C16orf78: variants seen among roughly 807,000 people sequenced by gnomAD.
The protein encoded by C16orf78 is uncharacterized protein C16orf78.
A neutral mutation model predicts 27.3 loss-of-function variants in C16orf78; 19 were observed. That is an observed-to-expected ratio of 0.70 (90% CI 0.49 to 1.02). The LOEUF (loss-of-function observed/expected upper bound fraction) is 1.02. C16orf78 is among the 50% of genes least tolerant of loss of function. The pLI is 0.00. For synonymous variants in C16orf78, 130 were observed against 116.1 expected (o/e 1.12, Z -0.77); for missense variants, 339 against 337.0 (o/e 1.01, Z -0.05).
chr16:49,383,108 G>GT (rs1419654379), intron 3 of C16orf78, among the ~76,000 whole-genome samples: 1 of 152,214 alleles, frequency 6.6e-6, no homozygotes, highest in East Asian at 1.9e-4. Flanking sequence ...CTCTCCTGAT[G>GT]TAATAAGACC....
intron 3 of C16orf78, among the ~76,000 whole-genome samples, chr16:49,383,160 GT>G (rs1166378879): frequency 6.6e-6 from 1 of 152,232 alleles, no homozygotes; most frequent in Non-Finnish European, 1.5e-5. Flanking sequence ...GCCAGCCCAA[GT>G]GCAAAAGGTG....
At chr16:49,392,368 A>G (rs915536260) in intron 3 of C16orf78, among the ~76,000 whole-genome samples, 5 of 152,210 alleles carry the variant, frequency 3.3e-5, no homozygotes, top group Non-Finnish European at 7.3e-5. Context: ...AAAATTCTCT[A>G]GGAGAGACTA....
At chr16:49,378,287 A>G (rs1965245073) in intron 2 of C16orf78, among the ~76,000 whole-genome samples, 183 bp from the exon 3 acceptor site, 1 of 152,134 alleles carries the variant, frequency 6.6e-6, no homozygotes, top group Non-Finnish European at 1.5e-5. Flanking sequence ...GGCGTTGGTG[A>G]GCAAGCACCC....
intron 3 of C16orf78, among the ~76,000 whole-genome samples, chr16:49,380,143 C>A (rs960508444): frequency 1.3e-5 from 2 of 152,152 alleles, no homozygotes; most frequent in African/African-American, 4.8e-5. Flanking sequence ...GGGCTTTTGG[C>A]CACAGACTGA....
intron 1 of C16orf78, among the ~76,000 whole-genome samples, chr16:49,376,891 A>C (rs1405139877): frequency 6.6e-6 from 1 of 152,098 alleles, no homozygotes; most frequent in East Asian, 1.9e-4. Context: ...TGACCTGGAC[A>C]CTGCAGTCCA....
At chr16:49,394,779 T>A (rs1043838578) in intron 3 of C16orf78, among the ~76,000 whole-genome samples, 5 of 152,036 alleles carry the variant, frequency 3.3e-5, no homozygotes, top group Non-Finnish European at 7.4e-5. Flanking sequence ...TGATTGTATA[T>A]CTGCAAAACT....
chr16:49,375,211 C>A (rs1033319055), intron 1 of C16orf78, among the ~76,000 whole-genome samples: 1 of 152,142 alleles, frequency 6.6e-6, no homozygotes, highest in Non-Finnish European at 1.5e-5. Flanking sequence ...GACTCCTCTG[C>A]TTTATCCAGG....
chr16:49,397,840 A>G (rs1425762451), intron 4 of C16orf78, among the ~76,000 whole-genome samples: 1 of 152,160 alleles, frequency 6.6e-6, no homozygotes, highest in Non-Finnish European at 1.5e-5. Flanking sequence ...ATCTCGGCTC[A>G]CTGCAACCTC....
At chr16:49,393,203 C>G (rs72776783) in intron 3 of C16orf78, among the ~76,000 whole-genome samples, 13,057 of 152,232 alleles carry the variant, frequency 0.086, 798 homozygotes, top group South Asian at 0.16. Context: ...ACATCTCCCT[C>G]CCATTCTCCC....
At chr16:49,389,104 C>T (rs1304344779) in intron 3 of C16orf78, among the ~76,000 whole-genome samples, 1 of 152,076 alleles carries the variant, frequency 6.6e-6, no homozygotes, top group Non-Finnish European at 1.5e-5. Context: ...TCCATTTCAT[C>T]TCCTTCATTA....
chr16:49,384,217 G>A (rs1376470720), intron 3 of C16orf78, among the ~76,000 whole-genome samples: 2 of 151,874 alleles, frequency 1.3e-5, no homozygotes, highest in Non-Finnish European at 2.9e-5. Flanking sequence ...TTGTGGTGGT[G>A]CGTGCCTGTA....
chr16:49,390,432 A>G (rs1310705629), intron 3 of C16orf78, among the ~76,000 whole-genome samples: 3 of 151,938 alleles, frequency 2.0e-5, no homozygotes, highest in South Asian at 4.2e-4. Flanking sequence ...TTTGTGTTTC[A>G]TCTCATATAG....
At position 49,373,981 on chromosome 16, in the gene C16orf78, A is replaced by G. The variant is rs751686219; in HGVS notation, c.42A>G (p.Thr14=). 1.2e-6 allele frequency: 2 copies of G among 1,614,210 alleles called. No homozygotes were observed. The highest frequency in any genetic ancestry group is 1.7e-6 in the Non-Finnish European group (2 of 1,180,034). The change falls in exon 1 of 5, where the codon ACA becomes ACG. Residue 14 remains threonine, a synonymous_variant. Transcript: ENST00000299191. ...QQMDLKDLMP[T]KRKYMWKTAE... is the part of the protein sequence containing the mutation. ...TGGACCTGAAGGATTTAATGCCCAC[A>G]AAGAGGAAATACATGTGGAAGACTG...
intron 3 of C16orf78, among the ~76,000 whole-genome samples, chr16:49,381,619 T>G (rs971405717): frequency 4.0e-5 from 6 of 151,748 alleles, no homozygotes; most frequent in African/African-American, 1.5e-4. Flanking sequence ...GAACAGACAC[T>G]TCTCAAAAGA....
chr16:49,391,869 T>C (rs902969977), intron 3 of C16orf78, among the ~76,000 whole-genome samples: 1 of 152,230 alleles, frequency 6.6e-6, no homozygotes, highest in East Asian at 1.9e-4. Flanking sequence ...GTGCAGCTCA[T>C]GATCCTCCCA....
chr16:49,380,029 C>A (rs1339334378), intron 3 of C16orf78, among the ~76,000 whole-genome samples: 1 of 152,200 alleles, frequency 6.6e-6, no homozygotes, highest in Admixed American at 6.5e-5. Flanking sequence ...CTCTGGCCTT[C>A]GTCTTTCTCC....
chr16:49,378,706 A>C, intron 3 of C16orf78, 113 bp downstream of exon 3: 1 of 1,461,516 alleles, frequency 6.8e-7, no homozygotes, highest in Non-Finnish European at 9.2e-7. Flanking sequence ...CGTCAATCCA[A>C]CCATTGTGCA....
intron 3 of C16orf78, among the ~76,000 whole-genome samples, chr16:49,383,899 C>T (rs1017718477): frequency 2.0e-5 from 3 of 152,194 alleles, no homozygotes; most frequent in Non-Finnish European, 4.4e-5. Flanking sequence ...ATAACTGATT[C>T]TACAGCAATG....
intron 3 of C16orf78, among the ~76,000 whole-genome samples, chr16:49,384,565 G>A (rs1474594095): frequency 6.6e-6 from 1 of 151,972 alleles, no homozygotes; most frequent in Non-Finnish European, 1.5e-5. Context: ...TGGTACACTG[G>A]CAAGTGAAAC....
Sources: gnomAD v4.1 joint callset for allele counts (sites outside exome capture counted in the v4.1 genomes callset) on GRCh38, gnomAD v4.1.1 for gene constraint, MANE v1.5 for transcripts, NCBI Gene and HGNC (gene_info 2026-07-23, HGNC 2026-07-21) for gene names.